Variants in CTXND1 observed in about 807,000 individuals in gnomAD.
CTXND1 encodes the protein cortexin domain containing 1.
At chr15:80,223,685 C>T (rs1278816488) in intron 1 of CTXND1, among the ~76,000 whole-genome samples, 2 of 152,072 alleles carry the variant, frequency 1.3e-5, no homozygotes, top group East Asian at 1.9e-4. Flanking sequence ...CAGTCCCAGT[C>T]GCTCTGCATC....
chr15:80,249,549 T>C (rs1893671027), intron 1 of CTXND1, among the ~76,000 whole-genome samples: 1 of 152,244 alleles, frequency 6.6e-6, no homozygotes, highest in Non-Finnish European at 1.5e-5. Context: ...AAGGGCTTAA[T>C]AAATGGAACT....
At chr15:80,238,993 T>C (rs1893535328) in intron 1 of CTXND1, among the ~76,000 whole-genome samples, 1 of 152,224 alleles carries the variant, frequency 6.6e-6, no homozygotes, top group Admixed American at 6.5e-5. Context: ...TGGATCCCCG[T>C]TGTTAAGCAC....
chr15:80,215,431 G>A (rs914414651), intron 1 of CTXND1, among the ~76,000 whole-genome samples: 4 of 152,126 alleles, frequency 2.6e-5, no homozygotes, highest in South Asian at 2.1e-4. Context: ...CCAAAGAGCC[G>A]GTTTATTCAT....
chr15:80,236,476 G>C (rs1893496502), intron 1 of CTXND1, among the ~76,000 whole-genome samples: 1 of 152,118 alleles, frequency 6.6e-6, no homozygotes, highest in African/African-American at 2.4e-5. Context: ...AACCATAGTG[G>C]TCCCGTAAGA....
At chr15:80,213,465 G>A (rs1245975236) in intron 1 of CTXND1, among the ~76,000 whole-genome samples, 1 of 152,206 alleles carries the variant, frequency 6.6e-6, no homozygotes, top group Non-Finnish European at 1.5e-5. Context: ...TGAGTTGTCT[G>A]GGTGGGCCCT....
In CTXND1 at chr15:80,196,901, G is replaced by T. The variant is rs186453917; in HGVS notation, c.*4869C>A. 619 of 152,340 alleles carry T rather than the reference G, an allele frequency of 4.1e-3. 3 individuals are homozygous for T. The highest frequency in any genetic ancestry group is 6.4e-3 in the Non-Finnish European group (436 of 68,110). The allele number at this position is 152,340 out of a possible 1,614,324, so 9.4% of individuals were successfully genotyped here. On this transcript the variant is annotated 3_prime_UTR_variant, in exon 3 of 3. Coordinates refer to ENST00000560778, the MANE Select transcript of CTXND1 (RefSeq NM_001352888.2). Reference sequence around the variant, plus strand: ...CTCTCTTCCTACTGAGCTGCAGTGGGTGCAGGAGTTTTGATCCTCTAGCTG... The same window carrying T: ...CTCTCTTCCTACTGAGCTGCAGTGGTTGCAGGAGTTTTGATCCTCTAGCTG...
intron 1 of CTXND1, among the ~76,000 whole-genome samples, chr15:80,204,169 A>AAAAAAATAT (rs1555443860): frequency 1.5e-5 from 1 of 65,196 alleles, no homozygotes; most frequent in African/African-American, 7.7e-5. Context: ...AAAAAAAAAA[A>AAAAAAATAT]ATATATATAT....
intron 1 of CTXND1, among the ~76,000 whole-genome samples, chr15:80,229,529 G>A (rs1446284442): frequency 6.6e-6 from 1 of 152,166 alleles, no homozygotes; most frequent in Non-Finnish European, 1.5e-5. Context: ...CCAACAACAG[G>A]TCATTCACTG....
chr15:80,201,009 A>C lies in CTXND1; in HGVS notation c.*761T>G, dbSNP rs1195894796. On this transcript the variant is annotated 3_prime_UTR_variant, in exon 3 of 3. Coordinates refer to ENST00000560778, the MANE Select transcript of CTXND1 (RefSeq NM_001352888.2). Reference sequence around the variant, plus strand: ...TGAGGCGATACAACATCATGCACAGAGTATGAATTTGACTAAAAAATACAA... The same window carrying C: ...TGAGGCGATACAACATCATGCACAGCGTATGAATTTGACTAAAAAATACAA... 2 of 152,200 alleles carry C rather than the reference A, an allele frequency of 1.3e-5. No homozygotes were observed. The highest frequency in any genetic ancestry group is 6.5e-5 in the Admixed American group (1 of 15,288). 9.4% of individuals were successfully genotyped at this position (152,200 alleles called of 1,614,324 possible).
intron 1 of CTXND1, among the ~76,000 whole-genome samples, chr15:80,219,424 C>G (rs60761886): frequency 0.011 from 1,733 of 152,266 alleles, 32 homozygotes; most frequent in African/African-American, 0.039. Context: ...GTTCACTGCT[C>G]ATTTCTTCTC....
chr15:80,240,286 G>A (rs949117161), intron 1 of CTXND1, among the ~76,000 whole-genome samples: 3 of 152,082 alleles, frequency 2.0e-5, no homozygotes, highest in African/African-American at 4.8e-5. Context: ...ATTAAGGGGG[G>A]TCCCAAAATT....
intron 1 of CTXND1, among the ~76,000 whole-genome samples, chr15:80,224,544 C>G (rs559654476): frequency 1.3e-5 from 2 of 152,110 alleles, no homozygotes; most frequent in East Asian, 3.9e-4. Context: ...TATTCCTGGC[C>G]CTTTGCATTT....
At chr15:80,205,069 G>A (rs887399838) in intron 1 of CTXND1, among the ~76,000 whole-genome samples, 3 of 152,094 alleles carry the variant, frequency 2.0e-5, no homozygotes, top group African/African-American at 7.2e-5. Context: ...AAATATGTAT[G>A]TTTATGTATT....
chr15:80,240,312 C>T (rs1358676904), intron 1 of CTXND1, among the ~76,000 whole-genome samples: 2 of 152,136 alleles, frequency 1.3e-5, no homozygotes, highest in African/African-American at 2.4e-5. Flanking sequence ...AACCTTAGGA[C>T]CCATAAAACC....
chr15:80,214,979 A>G (rs983109643), intron 1 of CTXND1, among the ~76,000 whole-genome samples: 30 of 152,266 alleles, frequency 2.0e-4, no homozygotes, highest in African/African-American at 6.8e-4. Context: ...AAATATAATG[A>G]GGCAGTACTA....
chr15:80,232,626 T>C (rs537602524), intron 1 of CTXND1, among the ~76,000 whole-genome samples: 1 of 152,272 alleles, frequency 6.6e-6, no homozygotes, highest in East Asian at 1.9e-4. Context: ...AACAAGAGCC[T>C]CAGGCCCAGG....
At chr15:80,236,153 C>T (rs1388113781) in intron 1 of CTXND1, among the ~76,000 whole-genome samples, 1 of 151,556 alleles carries the variant, frequency 6.6e-6, no homozygotes, top group African/African-American at 2.4e-5. Flanking sequence ...GATATTCTCA[C>T]TGCATTTGAA....
intron 1 of CTXND1, among the ~76,000 whole-genome samples, chr15:80,205,898 A>G (rs1444428254): frequency 6.6e-6 from 1 of 152,084 alleles, no homozygotes; most frequent in Non-Finnish European, 1.5e-5. Flanking sequence ...GACCCAGACC[A>G]AACCCCTGGT....
At chr15:80,246,206 T>C (rs1250511523) in intron 1 of CTXND1, among the ~76,000 whole-genome samples, 1 of 152,242 alleles carries the variant, frequency 6.6e-6, no homozygotes, top group Non-Finnish European at 1.5e-5. Flanking sequence ...CTAAAATCTT[T>C]GTCTTCCAAA....
Sources: gnomAD v4.1 joint callset for allele counts (sites outside exome capture counted in the v4.1 genomes callset) on GRCh38, gnomAD v4.1.1 for gene constraint, MANE v1.5 for transcripts, NCBI Gene and HGNC (gene_info 2026-07-23, HGNC 2026-07-21) for gene names.